SLC35D1: variants seen among roughly 807,000 people sequenced by gnomAD.
The protein encoded by SLC35D1 is nucleotide sugar transporter SLC35D1.
A neutral mutation model predicts 46.7 loss-of-function variants in SLC35D1; 31 were observed. The observed-to-expected ratio is 0.66, with a 90% CI of 0.50 to 0.90. The LOEUF (loss-of-function observed/expected upper bound fraction) is 0.90, where lower values mean the gene tolerates loss of function less well. SLC35D1 is among the 40% of genes least tolerant of loss of function. The pLI, the probability that SLC35D1 is intolerant of heterozygous loss-of-function variation, is 0.00. For missense variants in SLC35D1, 397 were observed against 426.2 expected (o/e 0.93, Z 0.60); for synonymous variants, 195 against 164.6 (o/e 1.18, Z -1.41).
intron 10 of SLC35D1, among the ~76,000 whole-genome samples, chr1:67,019,351 A>C (rs2815355): frequency 6.6e-6 from 1 of 152,000 alleles, no homozygotes; most frequent in Non-Finnish European, 1.5e-5. Flanking sequence ...CAGCCAGCCC[A>C]ATCCCTGGCA....
At chr1:66,983,829 G>A in the SLC35D1 span, among the ~76,000 whole-genome samples, 1 of 152,230 alleles carries the variant, frequency 6.6e-6, no homozygotes, top group Non-Finnish European at 1.5e-5. Flanking sequence ...CTGGGTTCAA[G>A]TGATTCTGCT....
rs762062080 is a variant in SLC35D1, at chr1:67,052,780, T to A, written c.315A>T (p.Val105=). 1 of 1,614,122 alleles carries A rather than the reference T, an allele frequency of 6.2e-7. No individual in the cohort carries two copies. The highest frequency in any genetic ancestry group is 1.7e-5 in the Admixed American group (1 of 60,026). ...VVKFPDLDRN[V]PRKTFPLPLL... ...GCTTTTCTTCTTTTACCTTTCGAGG[T>A]ACATTTCTGTCAAGGTCAGGAAACT... The change falls in exon 3 of 12, where the codon GTA becomes GTT. Residue 105 remains valine (V), a synonymous_variant. Coordinates refer to ENST00000235345, the MANE Select transcript of SLC35D1 (RefSeq NM_015139.3).
the SLC35D1 span, among the ~76,000 whole-genome samples, chr1:66,991,557 T>G: frequency 6.6e-6 from 1 of 152,214 alleles, no homozygotes; most frequent in Non-Finnish European, 1.5e-5. Context: ...CATGCTAGTC[T>G]TCACAAGGTA....
At position 67,042,245 on chromosome 1, in the gene SLC35D1, A is replaced by G. The variant is rs747050701; in HGVS notation, c.720T>C (p.Asp240=). ...AATTAGAAAGTCCTACCTTTTGTGCATCTCCTGTGAAATACGCAATGGCCA... is the reference window on the plus strand; with the variant it reads ...AATTAGAAAGTCCTACCTTTTGTGCGTCTCCTGTGAAATACGCAATGGCCA... ...PTLAIAYFTG[D]AQKAVEFEGW... The change falls in exon 8 of 12, where the codon GAT becomes GAC. Residue 240 remains aspartate, a synonymous_variant. Transcript: ENST00000235345. 6.2e-7 allele frequency: 1 copy of G among 1,614,024 alleles called. No individual in the cohort carries two copies. Among genetic ancestry groups the G allele is most frequent in the Non-Finnish European group, 8.5e-7 (1 of 1,179,886 alleles).
chr1:67,009,141 C>A lies in SLC35D1; in HGVS notation c.903G>T (p.Met301Ile). The change falls in exon 11 of 12, where the codon ATG becomes ATT. Residue 301 changes from methionine (M) to isoleucine (I), a missense_variant. Met to Ile is a conservative substitution (Grantham distance 10). Transcript: ENST00000235345. ...TGAAAATATAATCTCCACCAAAGAC[C>A]ATTCCAATATAAGTTATTAATATAT... ...IKNILITYIGMVFGGDYIFTW... is the reference protein window; with the variant it reads ...IKNILITYIGIVFGGDYIFTW... The A allele has an allele frequency of 6.8e-7, 1 of 1,469,172 alleles. No homozygotes were observed. Among genetic ancestry groups the A allele is most frequent in the South Asian group, 1.2e-5 (1 of 85,650 alleles). 91.0% of individuals were successfully genotyped at this position (1,469,172 alleles called of 1,614,324 possible).
At chr1:67,038,117 T>C (rs766465454) in intron 8 of SLC35D1, among the ~76,000 whole-genome samples, 6 of 152,184 alleles carry the variant, frequency 3.9e-5, no homozygotes, top group Non-Finnish European at 8.8e-5. Flanking sequence ...AAAGAATAAT[T>C]GATCCAACCC....
intron 8 of SLC35D1, among the ~76,000 whole-genome samples, chr1:67,031,111 T>A (rs1485457227): frequency 6.6e-6 from 1 of 152,174 alleles, no homozygotes; most frequent in Non-Finnish European, 1.5e-5. Context: ...AATAATGATA[T>A]CTGCAGGACA....
chr1:67,016,542 C>T (rs1667689859), intron 10 of SLC35D1, among the ~76,000 whole-genome samples: 1 of 151,956 alleles, frequency 6.6e-6, no homozygotes, highest in South Asian at 2.1e-4. Context: ...CAAGGAATTA[C>T]ATTAGTAAAA....
At chr1:66,998,446 T>C (rs904163850), downstream of SLC35D1, among the ~76,000 whole-genome samples, 1 of 152,118 alleles carries the variant, frequency 6.6e-6, no homozygotes, top group African/African-American at 2.4e-5. Context: ...TGAGCCAAGA[T>C]GGTGCCACTG....
intron 8 of SLC35D1, among the ~76,000 whole-genome samples, chr1:67,038,834 T>TACAC (rs112186155): frequency 1.3e-4 from 17 of 130,620 alleles, no homozygotes; most frequent in Non-Finnish European, 2.1e-4. Flanking sequence ...TAAATATGTA[T>TACAC]ACACACACAC....
In SLC35D1 at chr1:67,029,258, A is replaced by C. The variant is rs113751469; in HGVS notation, c.730-7656T>G. 3.7e-3 allele frequency among the ~76,000 whole-genome samples: 567 copies of C among 152,104 alleles called. 6 individuals are homozygous for C. The highest frequency in any genetic ancestry group is 0.012 in the African/African-American group (480 of 41,366). On this transcript the variant is annotated intron_variant, in intron 8 of 11. Coordinates refer to ENST00000235345, the MANE Select transcript of SLC35D1 (RefSeq NM_015139.3). ...TATGGACATCTTTATGTACATGACT[A>C]TCTCTCCAGACAGACATTGCAAATA...
At chr1:67,028,654 A>G (rs1667961175) in intron 8 of SLC35D1, among the ~76,000 whole-genome samples, 1 of 152,110 alleles carries the variant, frequency 6.6e-6, no homozygotes, top group African/African-American at 2.4e-5. Context: ...GTGTGCCTTT[A>G]AAGTTTTCAT....
chr1:67,045,009 G>A (rs752101170), intron 7 of SLC35D1, among the ~76,000 whole-genome samples: 1 of 152,030 alleles, frequency 6.6e-6, no homozygotes, highest in Non-Finnish European at 1.5e-5. Context: ...CAGTGTAAAG[G>A]TGTGCCTCAT....
Position 67,052,877 on chromosome 1 carries a change from G to C in SLC35D1, c.238-20C>G, listed in dbSNP as rs748213211. 6.8e-6 allele frequency: 11 copies of C among 1,613,946 alleles called. No homozygotes were observed. In the Admixed American group the frequency reaches 1.8e-4, roughly 27 times the overall value. On this transcript the variant is annotated intron_variant, in intron 2 of 11. Coordinates refer to ENST00000235345, the MANE Select transcript of SLC35D1 (RefSeq NM_015139.3). ...CACCATCTGTAAACAAGAGAACACA[G>C]ATTCACTGTTCTACACATAAAGACA...
intron 11 of SLC35D1, among the ~76,000 whole-genome samples, chr1:67,004,953 G>C (rs1489016340): frequency 6.6e-6 from 1 of 152,166 alleles, no homozygotes; most frequent in Non-Finnish European, 1.5e-5. Context: ...AGTTCACAGT[G>C]GGGAACTTAT....
the SLC35D1 span, among the ~76,000 whole-genome samples, chr1:66,983,880 C>T: frequency 6.6e-6 from 1 of 152,162 alleles, no homozygotes; most frequent in Non-Finnish European, 1.5e-5. Flanking sequence ...TGCACGCCAC[C>T]ACTCCTGGCT....
downstream of SLC35D1, among the ~76,000 whole-genome samples, chr1:66,995,239 G>C (rs116614815): frequency 1.5e-3 from 229 of 152,052 alleles, 2 homozygotes; most frequent in African/African-American, 5.4e-3. Flanking sequence ...CTAGCTGGCA[G>C]ATTTTTTGTT....
At chr1:67,008,492 C>T (rs749175088) in intron 11 of SLC35D1, 9 of 1,283,318 alleles carry the variant, frequency 7.0e-6, no homozygotes, top group Non-Finnish European at 9.1e-6. Context: ...GTTCCTGAGA[C>T]AGGGGCCTTG....
chr1:67,004,739 T>C (rs1667413187), intron 11 of SLC35D1, among the ~76,000 whole-genome samples: 1 of 152,204 alleles, frequency 6.6e-6, no homozygotes, highest in African/African-American at 2.4e-5. Context: ...TGTATATCAA[T>C]ATGCACTGGA....
Sources: allele counts gnomAD v4.1 joint callset (sites outside exome capture counted in the v4.1 genomes callset), GRCh38; gene constraint gnomAD v4.1.1; transcripts MANE v1.5; gene names NCBI Gene and HGNC (gene_info 2026-07-23, HGNC 2026-07-21).